EPHA10: variants seen among roughly 807,000 people sequenced by gnomAD.
EPHA10 encodes EPH receptor A10.
EPHA10 carries 120 observed loss-of-function variants against 109.7 expected under a neutral mutation model. The ratio of observed to expected loss-of-function variants is 1.09; its 90% CI spans 0.94 to 1.27. The LOEUF (loss-of-function observed/expected upper bound fraction) is 1.27. Ranked by LOEUF, EPHA10 falls within the 50% of genes most tolerant of loss-of-function variation. EPHA10 has a pLI of 0.00. For missense variants in EPHA10, 1,396 were observed against 1,411.1 expected (o/e 0.99, Z 0.17); for synonymous variants, 640 against 618.9 (o/e 1.03, Z -0.51).
intron 3 of EPHA10, chr1:37,760,548 T>G: frequency 4.2e-6 from 3 of 707,560 alleles, no homozygotes; most frequent in Non-Finnish European, 5.4e-6. Context: ...TGCCAGCCTC[T>G]AACTTGCAAG....
chr1:37,749,232 T>G (rs1646286549), intron 5 of EPHA10, among the ~76,000 whole-genome samples: 1 of 151,252 alleles, frequency 6.6e-6, no homozygotes, highest in African/African-American at 2.4e-5. Flanking sequence ...CCCGTTTCAA[T>G]GAATTAATGT....
chr1:37,718,615 G>A lies in EPHA10; in HGVS notation c.2912+46C>T, dbSNP rs368924110. 6.2e-6 allele frequency: 10 copies of A among 1,612,826 alleles called. No individual in the cohort carries two copies. The African/African-American group carries it at 1.1e-4, about 17-fold the overall frequency. On this transcript the variant is annotated intron_variant, in intron 16 of 16. Transcript: ENST00000373048. ...CCCAGTATAGGCAGGGGCAGGGCCT[G>A]TGGAATCCCCCAGCCCCGGCCTTGA...
rs1646379185 is a variant in EPHA10, at chr1:37,754,735, TATTA to T, written c.851-369_851-366del. 6.6e-6 allele frequency among the ~76,000 whole-genome samples: 1 copy of T among 152,210 alleles called. No homozygotes were observed. The highest frequency in any genetic ancestry group is 2.4e-5 in the African/African-American group (1 of 41,440). Reference sequence around the variant, plus strand: ...TATTTATTATTTTTTAAATTACGTCTATTAATTCATTGAATCCTCACAACCACCT... The same window carrying T: ...TATTTATTATTTTTTAAATTACGTCTATTCATTGAATCCTCACAACCACCT... On this transcript the variant is annotated intron_variant, in intron 3 of 16. Transcript: ENST00000373048. This position sits in a 1 kb window ranked among gnomAD's most constrained non-coding sequence, Gnocchi z 4.5.
intron 6 of EPHA10, 116 bp from the exon 7 acceptor site, chr1:37,731,698 G>T: frequency 1.7e-6 from 2 of 1,195,790 alleles, no homozygotes; most frequent in Non-Finnish European, 2.3e-6. Flanking sequence ...TGTGGGCTGA[G>T]TGCGAAAACC....
chr1:37,759,415 T>TG (rs1314186334), intron 3 of EPHA10, among the ~76,000 whole-genome samples: 8 of 152,078 alleles, frequency 5.3e-5, no homozygotes, highest in South Asian at 4.1e-4. Flanking sequence ...CTAAGCTGCC[T>TG]GGGAAAAAAA....
At chr1:37,723,012 G>A in intron 10 of EPHA10, 29 bp downstream of exon 10, 1 of 1,613,902 alleles carries the variant, frequency 6.2e-7, no homozygotes, top group East Asian at 2.2e-5. Context: ...TTCCAGATGG[G>A]GACAAGGCTT....
chr1:37,747,888 T>G (rs545065067), intron 5 of EPHA10, among the ~76,000 whole-genome samples: 58 of 152,024 alleles, frequency 3.8e-4, no homozygotes, highest in Admixed American at 7.2e-4. Flanking sequence ...CAAGGATAAT[T>G]AAGAAAAAAG....
intron 3 of EPHA10, 94 bp downstream of exon 3, chr1:37,761,311 C>T: frequency 6.4e-7 from 1 of 1,551,192 alleles, no homozygotes; most frequent in Non-Finnish European, 8.7e-7. Flanking sequence ...CGCCCCCCGA[C>T]CCCACACCCG....
Position 37,721,822 on chromosome 1 carries a change from C to A in EPHA10, c.1984G>T (p.Gly662Cys). Residue 662 changes from glycine (G) to cysteine (C), a missense_variant, in exon 11 of 17, where the codon GGC becomes TGC. By Grantham distance (159) the Gly-to-Cys change is radical (BLOSUM62 -3). Coordinates refer to ENST00000373048, the MANE Select transcript of EPHA10 (RefSeq NM_001099439.2). ...GGGRFGELCCGCLQLPGRQEL... is the reference protein window; with the variant it reads ...GGGRFGELCCCCLQLPGRQEL... ...TGGCGACCGGGGAGCTGCAAGCAGC[C>A]ACAGCACAGCTCCCCAAACCGCCCT... is the stretch of plus-strand genomic sequence containing the variant. The A allele has an allele frequency of 6.2e-7, 1 of 1,606,074 alleles. No homozygotes were observed. The highest frequency in any genetic ancestry group is 8.5e-7 in the Non-Finnish European group (1 of 1,175,864).
In EPHA10 at chr1:37,735,740, T is replaced by C. The variant is rs112453159; in HGVS notation, c.1358-350A>G. Among the ~76,000 whole-genome samples the C allele has an allele frequency of 8.3e-3, 1,265 of 152,168 alleles. 7 individuals are homozygous for C. The highest frequency in any genetic ancestry group is 0.013 in the Non-Finnish European group (908 of 67,998). ...GGCTCTTTCTATACTTGCTGCAGCT[T>C]GGAGACATAAGAGAGCATTTAGAGG... On this transcript the variant is annotated intron_variant, in intron 5 of 16. Coordinates refer to ENST00000373048, the MANE Select transcript of EPHA10 (RefSeq NM_001099439.2).
chr1:37,718,925 C>G (rs556885928), intron 15 of EPHA10, 109 bp from the exon 16 acceptor site: 1 of 1,416,274 alleles, frequency 7.1e-7, no homozygotes, highest in Non-Finnish European at 9.4e-7. Context: ...GGGAGGGTAA[C>G]CGGGCCCCAG....
intron 7 of EPHA10, among the ~76,000 whole-genome samples, chr1:37,728,346 T>C (rs1465074925): frequency 6.6e-6 from 1 of 151,848 alleles, no homozygotes; most frequent in Non-Finnish European, 1.5e-5. Flanking sequence ...GTGGAGAGAG[T>C]TCCTGCCTAA....
chr1:37,747,227 A>G, intron 5 of EPHA10, among the ~76,000 whole-genome samples: 1 of 152,196 alleles, frequency 6.6e-6, no homozygotes. Flanking sequence ...ATTTAAACAA[A>G]AAATAACTAA....
In EPHA10 at chr1:37,731,499, G is replaced by A. The variant is rs540498167; in HGVS notation, c.1575C>T (p.Tyr525=). The A allele has an allele frequency of 2.6e-5, 42 of 1,614,126 alleles. No individual in the cohort carries two copies. Among genetic ancestry groups the A allele is most frequent in the Admixed American group, 8.3e-5 (5 of 60,020 alleles). ...TVTNLKPATR[Y]VFQIRAASPG... Reference sequence around the variant, plus strand: ...GGGAAGCGGCCCGGATCTGAAAGACGTAGCGGGTAGCCGGCTTCAGGTTGG... The same window carrying A: ...GGGAAGCGGCCCGGATCTGAAAGACATAGCGGGTAGCCGGCTTCAGGTTGG... Residue 525 remains tyrosine (Y), a synonymous_variant, in exon 7 of 17, where the codon TAC becomes TAT. Coordinates refer to ENST00000373048, the MANE Select transcript of EPHA10 (RefSeq NM_001099439.2).
rs1024444496 is a variant in EPHA10 at position 37,753,006 on chromosome 1, G to A, written c.1227C>T (p.Ala409=). 44 of 1,230,648 alleles carry A rather than the reference G, an allele frequency of 3.6e-5. No individual in the cohort carries two copies. Among genetic ancestry groups the A allele is most frequent in the Non-Finnish European group, 4.3e-5 (42 of 987,494 alleles). 76.2% of individuals were successfully genotyped at this position (1,230,648 alleles called of 1,614,324 possible). A position where few individuals can be genotyped will look rare whatever the true frequency, so the allele number is the denominator to read the frequency against. The change falls in exon 5 of 17, where the codon GCC becomes GCT. Residue 409 remains alanine, a synonymous_variant. Transcript: ENST00000373048. The stretch of plus-strand genomic sequence containing the variant: ...CGGGCCGCAGGTGCAGCAGCGTGGC[G>A]GCTCGCTCCCGCAGCCCTGCCTGGC... ...LPRQAGLRER[A]ATLLHLRPGA...
chr1:37,745,082 T>A (rs1646210260), intron 5 of EPHA10, among the ~76,000 whole-genome samples: 1 of 152,038 alleles, frequency 6.6e-6, no homozygotes, highest in Admixed American at 6.6e-5. Flanking sequence ...CAGGGAAGGG[T>A]CCTCCTCTAG....
In EPHA10 at chr1:37,731,503, C is replaced by T. The variant is rs749221168; in HGVS notation, c.1571G>A (p.Arg524His). The change falls in exon 7 of 17, where the codon CGC becomes CAC. Residue 524 changes from arginine to histidine, a missense_variant. Transcript: ENST00000373048. Reference protein sequence around the residue: ...VTVTNLKPATRYVFQIRAASP... With the variant: ...VTVTNLKPATHYVFQIRAASP... Reference sequence around the variant, plus strand: ...AGCGGCCCGGATCTGAAAGACGTAGCGGGTAGCCGGCTTCAGGTTGGTGAC... The same window carrying T: ...AGCGGCCCGGATCTGAAAGACGTAGTGGGTAGCCGGCTTCAGGTTGGTGAC... 34 of 1,614,052 alleles carry T rather than the reference C, an allele frequency of 2.1e-5. No individual in the cohort carries two copies. The highest frequency in any genetic ancestry group is 5.5e-5 in the South Asian group (5 of 91,072).
intron 6 of EPHA10, among the ~76,000 whole-genome samples, chr1:37,732,341 C>T (rs533000416): frequency 3.9e-5 from 6 of 152,098 alleles, no homozygotes; most frequent in Non-Finnish European, 8.8e-5. Flanking sequence ...TGCTGCCCCC[C>T]GCTCCACCCC....
intron 10 of EPHA10, 33 bp downstream of exon 10, chr1:37,723,008 A>G: frequency 6.2e-7 from 1 of 1,613,808 alleles, no homozygotes; most frequent in Non-Finnish European, 8.5e-7. Context: ...AGGCTTCCAG[A>G]TGGGGACAAG....
Sources: gnomAD v4.1 joint callset for allele counts (sites outside exome capture counted in the v4.1 genomes callset) on GRCh38, gnomAD v4.1.1 for gene constraint, Gnocchi (gnomAD v3.1) non-coding constraint, MANE v1.5 for transcripts, NCBI Gene and HGNC (gene_info 2026-07-23, HGNC 2026-07-21) for gene names.